Variants in EYA1 observed in about 807,000 individuals in gnomAD.
The protein encoded by EYA1 is protein phosphatase EYA1.
A neutral mutation model predicts 82.0 loss-of-function variants in EYA1; 16 were observed. That is an observed-to-expected ratio of 0.20 (90% confidence interval 0.13 to 0.30). EYA1 has a LOEUF of 0.30. Among genes scored for constraint, EYA1 ranks in the 10% least tolerant of loss-of-function variants. EYA1 has a pLI of 1.00. For synonymous variants in EYA1, 261 were observed against 264.4 expected (o/e 0.99, Z 0.12); for missense variants, 633 against 730.7 (o/e 0.87, Z 1.54).
intron 11 of EYA1, among the ~76,000 whole-genome samples, chr8:71,250,920 AGTG>A (rs1030920335): frequency 2.6e-5 from 4 of 152,234 alleles, no homozygotes; most frequent in Non-Finnish European, 5.9e-5. Context: ...ATTAGCTGTT[AGTG>A]TTGTCAGTGA....
intron 2 of EYA1, among the ~76,000 whole-genome samples, chr8:71,393,415 A>C (rs1829393136): frequency 6.6e-6 from 1 of 152,078 alleles, no homozygotes; most frequent in Admixed American, 6.5e-5. Context: ...CATTTACATT[A>C]GGTATATCTC....
chr8:71,334,087 T>C lies in EYA1; in HGVS notation c.202+10A>G. 1 of 1,604,864 alleles carries C rather than the reference T, an allele frequency of 6.2e-7. No individual in the cohort carries two copies. Among genetic ancestry groups the C allele is most frequent in the Non-Finnish European group, 8.5e-7 (1 of 1,171,738 alleles). Reference sequence around the variant, plus strand: ...GGTGTTGATGTGAAAATCTAATATTTATTCCTTACCTGAACCTGAGAAATT... The same window carrying C: ...GGTGTTGATGTGAAAATCTAATATTCATTCCTTACCTGAACCTGAGAAATT... On this transcript the variant is annotated intron_variant, in intron 4 of 17. Transcript: ENST00000340726.
chr8:71,475,080 C>T (rs774133472), intron 2 of EYA1, among the ~76,000 whole-genome samples: 3 of 151,858 alleles, frequency 2.0e-5, no homozygotes, highest in Non-Finnish European at 4.4e-5. Flanking sequence ...TTCAGTGAGC[C>T]GAGATCATAC....
At chr8:71,340,757 T>G (rs1825033041) in intron 3 of EYA1, among the ~76,000 whole-genome samples, 1 of 152,168 alleles carries the variant, frequency 6.6e-6, no homozygotes, top group Admixed American at 6.5e-5. Context: ...AATGATCCTC[T>G]AAGACCAAAA....
rs529572741 is a variant in EYA1 at position 71,346,389 on chromosome 8, T to TACACAC, written c.124+8387_124+8392dup. Among the ~76,000 whole-genome samples the TACACAC allele has an allele frequency of 9.9e-3, 1,383 of 140,266 alleles. 22 individuals are homozygous for TACACAC. Among genetic ancestry groups the TACACAC allele is most frequent in the African/African-American group, 0.033 (1,280 of 38,574 alleles). The allele number at this position is 140,266 out of a possible 152,430, so 92.0% of individuals were successfully genotyped here. A position where few individuals can be genotyped will look rare whatever the true frequency, so the allele number is the denominator to read the frequency against. On this transcript the variant is annotated intron_variant, in intron 3 of 17. Transcript: ENST00000340726. ...TAGATATACTACATGTATACACACATACACACACACACATACACACTTTTA... is the reference window on the plus strand; with the variant it reads ...TAGATATACTACATGTATACACACATACACACACACACACACACATACACACTTTTA...
At chr8:71,272,843 T>A (rs914109082) in intron 9 of EYA1, among the ~76,000 whole-genome samples, 1 of 152,200 alleles carries the variant, frequency 6.6e-6, no homozygotes, top group African/African-American at 2.4e-5. Flanking sequence ...CAGATTTAGT[T>A]TGGAATCTCT....
At chr8:71,442,477 A>G (rs142269176) in intron 2 of EYA1, among the ~76,000 whole-genome samples, 58 of 152,334 alleles carry the variant, frequency 3.8e-4, no homozygotes, top group Non-Finnish European at 6.3e-4. Flanking sequence ...TCAGAAATCC[A>G]TAAGCTGTAG....
intron 11 of EYA1, among the ~76,000 whole-genome samples, chr8:71,262,388 T>A (rs188183069): frequency 1.1e-3 from 161 of 152,334 alleles, no homozygotes; most frequent in Non-Finnish European, 1.9e-3. Context: ...CTGCCTGGAA[T>A]AACAAAGTCT....
chr8:71,250,420 C>T (rs1488280996), intron 11 of EYA1, among the ~76,000 whole-genome samples: 1 of 152,198 alleles, frequency 6.6e-6, no homozygotes, highest in Non-Finnish European at 1.5e-5. Context: ...AGTTCCGCAG[C>T]TCCACCTCCC....
At chr8:71,288,387 C>G (rs559661023) in intron 9 of EYA1, among the ~76,000 whole-genome samples, 2 of 152,312 alleles carry the variant, frequency 1.3e-5, no homozygotes, top group African/African-American at 4.8e-5. Context: ...AAAGGCCACA[C>G]TACACCCTTC....
At chr8:71,199,688 T>C (rs868639194) in intron 17 of EYA1, among the ~76,000 whole-genome samples, 23 of 152,360 alleles carry the variant, frequency 1.5e-4, no homozygotes, top group South Asian at 4.1e-4. Flanking sequence ...GTGACTTGAA[T>C]GCCAATTCCA....
intron 3 of EYA1, among the ~76,000 whole-genome samples, chr8:71,338,749 T>G (rs1302494834): frequency 6.6e-6 from 1 of 152,254 alleles, no homozygotes; most frequent in Non-Finnish European, 1.5e-5. Flanking sequence ...CAGTACTGCC[T>G]GCTGGACTAG....
intron 12 of EYA1, among the ~76,000 whole-genome samples, chr8:71,241,552 G>A (rs776537092): frequency 6.6e-5 from 10 of 152,132 alleles, no homozygotes; most frequent in Non-Finnish European, 1.3e-4. Context: ...CAAAAGCTAA[G>A]ATTTAGAAGA....
At chr8:71,443,802 A>C (rs776400063) in intron 2 of EYA1, among the ~76,000 whole-genome samples, 14 of 152,236 alleles carry the variant, frequency 9.2e-5, no homozygotes, top group Non-Finnish European at 2.1e-4. Context: ...GACCCTTGGT[A>C]GAAGATATCT....
intron 2 of EYA1, among the ~76,000 whole-genome samples, chr8:71,486,346 G>T (rs1329432347): frequency 6.6e-6 from 1 of 152,128 alleles, no homozygotes; most frequent in East Asian, 1.9e-4. Context: ...CGACTCTACT[G>T]GAAAGAGAAG....
intron 2 of EYA1, among the ~76,000 whole-genome samples, chr8:71,466,393 CAGT>C (rs144456649): frequency 3.2e-4 from 48 of 152,168 alleles, no homozygotes; most frequent in East Asian, 2.5e-3. Context: ...AAATTATTCA[CAGT>C]AGTAGTAGAA....
intron 2 of EYA1, among the ~76,000 whole-genome samples, chr8:71,447,749 T>C (rs1807004413): frequency 6.6e-6 from 1 of 152,202 alleles, no homozygotes; most frequent in African/African-American, 2.4e-5. Flanking sequence ...TTATGTCTAA[T>C]AATACAATGT....
intron 11 of EYA1, among the ~76,000 whole-genome samples, chr8:71,246,952 C>A (rs1341548900): frequency 6.6e-6 from 1 of 151,152 alleles, no homozygotes; most frequent in Admixed American, 6.6e-5. Flanking sequence ...ACCACCCACA[C>A]CCTTCCAGCA....
intron 12 of EYA1, among the ~76,000 whole-genome samples, chr8:71,241,428 T>C (rs561129295): frequency 6.6e-6 from 1 of 152,316 alleles, no homozygotes; most frequent in East Asian, 1.9e-4. Context: ...GTACACTGAT[T>C]CATAATATGA....
Sources: allele counts gnomAD v4.1 joint callset (sites outside exome capture counted in the v4.1 genomes callset), GRCh38; gene constraint gnomAD v4.1.1; transcripts MANE v1.5; gene names NCBI Gene and HGNC (gene_info 2026-07-23, HGNC 2026-07-21).